The following SGCZ variants were observed in gnomAD, a reference collection of about 807,000 sequenced individuals.
SGCZ encodes zeta-sarcoglycan.
Under a neutral mutation model 41.3 loss-of-function variants are expected in SGCZ, and 40 were observed. The ratio of observed to expected loss-of-function variants is 0.97; its 90% confidence interval spans 0.75 to 1.26. The LOEUF is 1.26. SGCZ is among the 50% of genes most tolerant of loss of function. The pLI is 0.00. For synonymous variants in SGCZ, 206 were observed against 137.5 expected, an observed-to-expected ratio of 1.50 and a Z score of -3.49; for missense variants, 552 against 369.8, an observed-to-expected ratio of 1.49 and a Z score of -4.04.
intron 1 of SGCZ, among the ~76,000 whole-genome samples, chr8:14,860,708 G>GAA (rs1554513265): frequency 5.1e-4 from 68 of 132,764 alleles, no homozygotes; most frequent in South Asian, 2.8e-3. Flanking sequence ...AAGAAAGAAA[G>GAA]AGAAAGAAAG....
intron 2 of SGCZ, among the ~76,000 whole-genome samples, chr8:14,348,750 A>G (rs1248115316): frequency 1.3e-5 from 2 of 152,188 alleles, no homozygotes; most frequent in African/African-American, 4.8e-5. Flanking sequence ...TATATTCTCA[A>G]GAGACTTTAT....
intron 1 of SGCZ, among the ~76,000 whole-genome samples, chr8:15,181,710 G>T (rs1223666036): frequency 2.0e-5 from 3 of 152,134 alleles, no homozygotes; most frequent in African/African-American, 7.2e-5. Flanking sequence ...AGGGCAAGAG[G>T]TCACTAACTG....
At chr8:14,424,929 A>C (rs1342915784) in intron 2 of SGCZ, among the ~76,000 whole-genome samples, 2 of 152,218 alleles carry the variant, frequency 1.3e-5, no homozygotes, top group Non-Finnish European at 2.9e-5. Flanking sequence ...TCTCATACTA[A>C]GTAAATACAA....
At position 14,807,293 on chromosome 8, in the gene SGCZ, C is replaced by T. The variant is rs921832797; in HGVS notation, c.40-252367G>A. ...TAGGAAAAGAGCAAGTCAAATTGTC[C>T]CTGTTTGCAGACGACATGATTGTAT... On this transcript the variant is annotated intron_variant, in intron 1 of 7. Transcript: ENST00000382080. 7.2e-4 allele frequency among the ~76,000 whole-genome samples: 109 copies of T among 152,086 alleles called. 2 individuals carry two copies. In the South Asian group the frequency reaches 7.9e-3, roughly 11 times the overall value.
At chr8:14,317,522 G>A (rs1463156060) in intron 3 of SGCZ, among the ~76,000 whole-genome samples, 2 of 151,834 alleles carry the variant, frequency 1.3e-5, no homozygotes, top group Non-Finnish European at 2.9e-5. Context: ...CCAAATAATA[G>A]CTTTTCCACA....
chr8:15,075,240 G>T (rs1293863301), intron 1 of SGCZ, among the ~76,000 whole-genome samples: 1 of 151,252 alleles, frequency 6.6e-6, no homozygotes, highest in Admixed American at 6.6e-5. Context: ...AAAAAAAATG[G>T]ATTATCATTC....
chr8:15,045,259 T>G (rs1804260543), intron 1 of SGCZ, among the ~76,000 whole-genome samples: 1 of 152,022 alleles, frequency 6.6e-6, no homozygotes, highest in Non-Finnish European at 1.5e-5. Context: ...TCAGATAGAT[T>G]GGGAGATCAG....
At chr8:14,678,923 T>C (rs1418135561) in intron 1 of SGCZ, among the ~76,000 whole-genome samples, 1 of 152,178 alleles carries the variant, frequency 6.6e-6, no homozygotes, top group African/African-American at 2.4e-5. Flanking sequence ...TGACAGAAGC[T>C]AATCTGAAAA....
At chr8:14,158,388 A>G (rs764433127) in intron 5 of SGCZ, among the ~76,000 whole-genome samples, 3 of 152,120 alleles carry the variant, frequency 2.0e-5, no homozygotes, top group East Asian at 1.9e-4. Flanking sequence ...TGCGATCTCC[A>G]CAGAGCAACC....
At position 14,085,887 on chromosome 8, in the gene SGCZ, G is replaced by A. The variant is rs1158693684; in HGVS notation, c.*4556C>T. Among the ~76,000 whole-genome samples, 2 of 151,690 alleles carry A rather than the reference G, an allele frequency of 1.3e-5. No homozygotes were observed. Among genetic ancestry groups the A allele is most frequent in the Admixed American group, 1.3e-4 (2 of 15,150 alleles). On this transcript the variant is annotated 3_prime_UTR_variant, in exon 8 of 8. Transcript: ENST00000382080. Reference sequence around the variant, plus strand: ...TGAATAAATTAGTAGGAGCAGCAGTGTTTTAGAGTTAAATACAATAGAAAT... The same window carrying A: ...TGAATAAATTAGTAGGAGCAGCAGTATTTTAGAGTTAAATACAATAGAAAT...
At chr8:15,027,807 A>T (rs1803513254) in intron 1 of SGCZ, among the ~76,000 whole-genome samples, 1 of 152,056 alleles carries the variant, frequency 6.6e-6, no homozygotes, top group African/African-American at 2.4e-5. Context: ...AAAAGTACTC[A>T]TAATTTTTTA....
intron 2 of SGCZ, among the ~76,000 whole-genome samples, chr8:14,331,293 A>T (rs574113684): frequency 6.6e-6 from 1 of 152,218 alleles, no homozygotes; most frequent in Non-Finnish European, 1.5e-5. Context: ...ATGTTACATC[A>T]GTAAGAAAAA....
At chr8:14,131,614 C>T (rs988488409) in intron 5 of SGCZ, among the ~76,000 whole-genome samples, 1 of 152,070 alleles carries the variant, frequency 6.6e-6, no homozygotes, top group East Asian at 1.9e-4. Flanking sequence ...GTCTGACTAT[C>T]TTTCAGTTTA....
intron 1 of SGCZ, among the ~76,000 whole-genome samples, chr8:14,802,237 C>T (rs1002447836): frequency 8.5e-5 from 13 of 152,140 alleles, no homozygotes; most frequent in African/African-American, 3.1e-4. Flanking sequence ...ATAAGAAAGA[C>T]AAAAATTTAA....
At chr8:14,156,077 C>T (rs1483232617) in intron 5 of SGCZ, among the ~76,000 whole-genome samples, 4 of 152,112 alleles carry the variant, frequency 2.6e-5, no homozygotes, top group Admixed American at 6.5e-5. Flanking sequence ...CTGGATGAGT[C>T]GGTGAGTGGT....
chr8:14,553,512 GA>G (rs1011752725), intron 2 of SGCZ, among the ~76,000 whole-genome samples: 3 of 146,264 alleles, frequency 2.1e-5, no homozygotes, highest in Admixed American at 6.8e-5. Context: ...TAATTTATTG[GA>G]AAAAAAATGG....
At chr8:14,988,084 A>G (rs1316686582) in intron 1 of SGCZ, among the ~76,000 whole-genome samples, 1 of 152,032 alleles carries the variant, frequency 6.6e-6, no homozygotes, top group Non-Finnish European at 1.5e-5. Context: ...ATGCACAATA[A>G]GTTTTCCAGG....
chr8:15,076,345 G>A (rs993245538), intron 1 of SGCZ, among the ~76,000 whole-genome samples: 1 of 152,142 alleles, frequency 6.6e-6, no homozygotes, highest in African/African-American at 2.4e-5. Flanking sequence ...ATTGAAGCGA[G>A]ACAGAGCAAG....
chr8:14,422,501 C>T lies in SGCZ; in HGVS notation c.235-98297G>A, dbSNP rs557131245. On this transcript the variant is annotated intron_variant, in intron 2 of 7. Coordinates refer to ENST00000382080, the MANE Select transcript of SGCZ (RefSeq NM_139167.4). ...TCAAACTTCAGGTTCAAATGTGCCA[C>T]AGACCCCTCACACACTCATTGGTGA... is the stretch of plus-strand genomic sequence containing the variant. Among the ~76,000 whole-genome samples, 9 of 152,292 alleles carry T rather than the reference C, an allele frequency of 5.9e-5. No homozygotes were observed. The East Asian group carries it at 1.7e-3, about 29-fold the overall frequency.
Sources: allele counts gnomAD v4.1 joint callset (sites outside exome capture counted in the v4.1 genomes callset), GRCh38; gene constraint gnomAD v4.1.1; transcripts MANE v1.5; gene names NCBI Gene and HGNC (gene_info 2026-07-23, HGNC 2026-07-21).